The following PLEKHA5 variants were observed in gnomAD, a reference collection of about 807,000 sequenced individuals.
PLEKHA5 encodes the protein pleckstrin homology domain-containing family A member 5.
PLEKHA5 carries 55 observed loss-of-function variants against 181.9 expected under a neutral mutation model. That is an observed-to-expected ratio of 0.30 (90% CI 0.24 to 0.38). PLEKHA5 has a LOEUF of 0.38. Among genes scored for constraint, PLEKHA5 ranks in the 10% least tolerant of loss-of-function variants. PLEKHA5 has a pLI of 1.00. For missense variants in PLEKHA5, 1,432 were observed against 1,549.5 expected, an observed-to-expected ratio of 0.92 and a Z score of 1.27; for synonymous variants, 535 against 529.4, an observed-to-expected ratio of 1.01 and a Z score of -0.15.
chr12:19,358,353 A>C lies in PLEKHA5; in HGVS notation c.3264A>C (p.Lys1088Asn), dbSNP rs1198780705. The C allele has an allele frequency of 2.5e-6, 4 of 1,613,784 alleles. No individual in the cohort carries two copies. The highest frequency in any genetic ancestry group is 3.4e-6 in the Non-Finnish European group (4 of 1,179,716). Residue 1088 changes from lysine (K) to asparagine (N), a missense_variant, in exon 27 of 32, where the codon AAA (lysine) becomes AAC (asparagine). Coordinates refer to ENST00000429027, the MANE Select transcript of PLEKHA5 (RefSeq NM_001256470.2). The stretch of plus-strand genomic sequence containing the variant: ...AAGCGTGCCTGAGGGAGAAGAAAAA[A>C]GGGTTAAATGTTATCGGTGCTTCAG... ...HQQACLREKK[K>N]GLNVIGASDQ...
chr12:19,358,418 A>T lies in PLEKHA5; in HGVS notation c.3329A>T (p.Asn1110Ile). 1 of 1,608,568 alleles carries T rather than the reference A, an allele frequency of 6.2e-7. No homozygotes were observed. The highest frequency in any genetic ancestry group is 8.5e-7 in the Non-Finnish European group (1 of 1,174,954). ...CAAAGCCCTTCAAATTTAAGGGATAATCCATTTAGGACTACTCAGGTATAT... is the reference window on the plus strand; with the variant it reads ...CAAAGCCCTTCAAATTTAAGGGATATTCCATTTAGGACTACTCAGGTATAT... The part of the protein sequence containing the change: ...PLQSPSNLRD[N>I]PFRTTQTRRR... The change falls in exon 27 of 32, where the codon AAT (asparagine) becomes ATT (isoleucine). Residue 1110 changes from asparagine (N) to isoleucine (I), a missense_variant. By Grantham distance (149) the Asn-to-Ile change is moderately radical (BLOSUM62 -3). Coordinates refer to ENST00000429027, the MANE Select transcript of PLEKHA5 (RefSeq NM_001256470.2).
At chr12:19,331,397 T>A (rs2092814933) in intron 20 of PLEKHA5, among the ~76,000 whole-genome samples, 1 of 152,160 alleles carries the variant, frequency 6.6e-6, no homozygotes, top group African/African-American at 2.4e-5. Context: ...AGAGATGAGA[T>A]CTCCCTATGT....
At chr12:19,343,211 A>T in intron 21 of PLEKHA5, 112 bp from the exon 22 acceptor site, 1 of 585,392 alleles carries the variant, frequency 1.7e-6, no homozygotes, top group Non-Finnish European at 2.9e-6. Context: ...CGTAACACTT[A>T]ATTCACTGCA....
At position 19,358,378 on chromosome 12, in the gene PLEKHA5, G is replaced by C. The variant is rs1395584308; in HGVS notation, c.3289G>C (p.Asp1097His). Residue 1097 changes from aspartate (D) to histidine (H), a missense_variant, in exon 27 of 32, where the codon GAC (aspartate) becomes CAC (histidine). Coordinates refer to ENST00000429027, the MANE Select transcript of PLEKHA5 (RefSeq NM_001256470.2). ...KKGLNVIGAS[D>H]QSPLQSPSNL... ...AGGGTTAAATGTTATCGGTGCTTCA[G>C]ACCAGTCACCCTTACAAAGCCCTTC... 1 of 1,613,778 alleles carries C rather than the reference G, an allele frequency of 6.2e-7. No homozygotes were observed. The highest frequency in any genetic ancestry group is 1.3e-5 in the African/African-American group (1 of 74,896).
At chr12:19,320,173 TG>T (rs2090266096) in intron 17 of PLEKHA5, 117 bp downstream of exon 17, 2 of 418,654 alleles carry the variant, frequency 4.8e-6, no homozygotes, top group Admixed American at 8.9e-5. Context: ...CCGTGAAGGA[TG>T]GTTTTGGCTG....
chr12:19,226,293 A>T (rs989384996), intron 3 of PLEKHA5, among the ~76,000 whole-genome samples: 2 of 152,160 alleles, frequency 1.3e-5, no homozygotes, highest in Non-Finnish European at 2.9e-5. Context: ...TGGCTGAATA[A>T]TATTCCATCA....
intron 3 of PLEKHA5, among the ~76,000 whole-genome samples, chr12:19,213,924 G>A (rs182227436): frequency 1.8e-3 from 267 of 152,144 alleles, no homozygotes; most frequent in Non-Finnish European, 2.8e-3. Context: ...TTTTTGTTGA[G>A]AAGCAAAAAT....
At chr12:19,363,823 T>C (rs935993543) in intron 29 of PLEKHA5, among the ~76,000 whole-genome samples, 34 of 152,136 alleles carry the variant, frequency 2.2e-4, no homozygotes, top group African/African-American at 8.0e-4. Flanking sequence ...TCTTCAATCT[T>C]TCCCTCCATT....
chr12:19,200,240 C>T, intron 3 of PLEKHA5: 1 of 905,266 alleles, frequency 1.1e-6, no homozygotes, highest in Non-Finnish European at 1.7e-6. Context: ...TATCACCCAT[C>T]CCCCTTAAAT....
At chr12:19,232,227 A>C (rs2060737421) in intron 3 of PLEKHA5, among the ~76,000 whole-genome samples, 1 of 152,158 alleles carries the variant, frequency 6.6e-6, no homozygotes, top group South Asian at 2.1e-4. Context: ...GGAAGTACCC[A>C]TGTCTCTAAA....
At chr12:19,144,840 A>G (rs1243077375) in intron 3 of PLEKHA5, among the ~76,000 whole-genome samples, 1 of 152,196 alleles carries the variant, frequency 6.6e-6, no homozygotes. Context: ...GACTTAGAAA[A>G]TCAAAGTAAG....
Position 19,216,967 on chromosome 12 carries a change from C to T in PLEKHA5, c.228-36973C>T, listed in dbSNP as rs1368259967. On this transcript the variant is annotated intron_variant, in intron 3 of 31. Coordinates refer to ENST00000429027, the MANE Select transcript of PLEKHA5 (RefSeq NM_001256470.2). ...ACTTCTTTTCTCAATACTGTAATTA[C>T]TGATGTAGTTATTTTGATTGTGTTT... 2.6e-5 allele frequency among the ~76,000 whole-genome samples: 4 copies of T among 152,236 alleles called. No individual in the cohort carries two copies. In the East Asian group the frequency reaches 7.7e-4, roughly 29 times the overall value.
chr12:19,135,079 G>A (rs770006320), intron 3 of PLEKHA5, among the ~76,000 whole-genome samples: 3 of 152,126 alleles, frequency 2.0e-5, no homozygotes, highest in Non-Finnish European at 4.4e-5. Context: ...CTAATCCTGT[G>A]TTCTGGAAAG....
rs1277797195 is a variant in PLEKHA5 at position 19,130,650 on chromosome 12, T to TC, written c.169+522dup. 6.6e-6 allele frequency: 1 copy of TC among 152,370 alleles called. No homozygotes were observed. Among genetic ancestry groups the TC allele is most frequent in the Non-Finnish European group, 1.5e-5 (1 of 68,262 alleles). 9.4% of individuals were successfully genotyped at this position (152,370 alleles called of 1,614,324 possible). ...TGCCTCCTGCCGTGCAGCTTCCTCCTCCTAGGTGGGACTTGTGGGTAGGTG... is the reference window on the plus strand; with the variant it reads ...TGCCTCCTGCCGTGCAGCTTCCTCCTCCCTAGGTGGGACTTGTGGGTAGGTG... On this transcript the variant is annotated intron_variant, in intron 2 of 31. Coordinates refer to ENST00000429027, the MANE Select transcript of PLEKHA5 (RefSeq NM_001256470.2). This position sits in a 1 kb window ranked among gnomAD's most constrained non-coding sequence, Gnocchi z 4.5.
chr12:19,340,431 C>CGCCCCT (rs71064089), intron 21 of PLEKHA5, among the ~76,000 whole-genome samples: 4 of 108,498 alleles, frequency 3.7e-5, no homozygotes, highest in South Asian at 3.2e-4. Flanking sequence ...TCTGCCCGGC[C>CGCCCCT]ACCACCCCGT....
chr12:19,211,059 G>A (rs1433844408), intron 3 of PLEKHA5, among the ~76,000 whole-genome samples: 1 of 152,028 alleles, frequency 6.6e-6, no homozygotes, highest in Admixed American at 6.6e-5. Flanking sequence ...GTTTATGGAG[G>A]ACTATTACAT....
chr12:19,183,786 T>C (rs1475858206), intron 3 of PLEKHA5, among the ~76,000 whole-genome samples: 1 of 152,182 alleles, frequency 6.6e-6, no homozygotes, highest in African/African-American at 2.4e-5. Flanking sequence ...TGATCTTGGC[T>C]CACCGCACCC....
intron 12 of PLEKHA5, among the ~76,000 whole-genome samples, chr12:19,287,256 G>C (rs1237386320): frequency 1.3e-5 from 2 of 152,240 alleles, no homozygotes; most frequent in Middle Eastern, 3.4e-3. Flanking sequence ...TGTCCACCCT[G>C]GCCTTTCAAA....
chr12:19,298,557 T>G (rs1018373836), intron 15 of PLEKHA5, among the ~76,000 whole-genome samples: 5 of 151,248 alleles, frequency 3.3e-5, no homozygotes, highest in African/African-American at 1.2e-4. Context: ...TTAGTAGAGA[T>G]AGGGTTTCAC....
Sources: gnomAD v4.1 joint callset for allele counts (sites outside exome capture counted in the v4.1 genomes callset) on GRCh38, gnomAD v4.1.1 for gene constraint, Gnocchi (gnomAD v3.1) non-coding constraint, MANE v1.5 for transcripts, NCBI Gene and HGNC (gene_info 2026-07-23, HGNC 2026-07-21) for gene names.